The following EMP2 variants were observed in gnomAD, a reference collection of about 807,000 sequenced individuals.
EMP2 encodes the protein epithelial membrane protein 2.
EMP2 carries 19 observed loss-of-function variants against 13.7 expected under a neutral mutation model. That is an observed-to-expected ratio of 1.38 (90% CI 0.97 to 2.03). EMP2 has a LOEUF of 2.03. EMP2 is among the 30% of genes most tolerant of loss of function. The pLI is 0.00. For synonymous variants in EMP2, 97 were observed against 84.7 expected (o/e 1.15, Z -0.80); for missense variants, 253 against 220.7 (o/e 1.15, Z -0.93).
chr16:10,563,350 T>TCC (rs1053893652), intron 1 of EMP2, among the ~76,000 whole-genome samples: 6 of 152,048 alleles, frequency 3.9e-5, no homozygotes, highest in African/African-American at 1.4e-4. Context: ...CACCACCACA[T>TCC]CCAGCTAATT....
In EMP2 at chr16:10,579,294, T is replaced by C. The variant is rs78305008; in HGVS notation, c.-61+1255A>G. Among the ~76,000 whole-genome samples, 283 of 152,282 alleles carry C rather than the reference T, an allele frequency of 1.9e-3. 1 individual carries two copies. The highest frequency in any genetic ancestry group is 0.012 in the Admixed American group (180 of 15,300). ...TCCAGGAAGAGGTGCCCAGCAATAATGTGTCGGTTCTTAGATTTCTCTCTG... is the reference window on the plus strand; with the variant it reads ...TCCAGGAAGAGGTGCCCAGCAATAACGTGTCGGTTCTTAGATTTCTCTCTG... On this transcript the variant is annotated intron_variant, in intron 1 of 4. Transcript: ENST00000359543.
intron 1 of EMP2, among the ~76,000 whole-genome samples, chr16:10,575,234 A>ATTC (rs2050974919): frequency 1.9e-5 from 1 of 53,374 alleles, no homozygotes; most frequent in African/African-American, 6.7e-5. Flanking sequence ...TGGAGCTTGC[A>ATTC]TTCTTTTTTT....
chr16:10,574,040 C>T (rs1426648007), intron 1 of EMP2, among the ~76,000 whole-genome samples: 4 of 145,142 alleles, frequency 2.8e-5, no homozygotes, highest in Admixed American at 1.4e-4. Flanking sequence ...TGGGTTCAAG[C>T]GATTCTTGTG....
chr16:10,540,561 G>A (rs2050688017), intron 3 of EMP2, among the ~76,000 whole-genome samples: 1 of 145,754 alleles, frequency 6.9e-6, no homozygotes, highest in Admixed American at 6.8e-5. Context: ...AGGACCTCAA[G>A]GAGGAGTTCT....
At chr16:10,537,894 G>GC (rs780819679) in intron 4 of EMP2, 34 bp downstream of exon 4, 1 of 1,606,538 alleles carries the variant, frequency 6.2e-7, no homozygotes, top group African/African-American at 1.3e-5. Flanking sequence ...ATTCCAGAAA[G>GC]CCCCTTGTTA....
rs536085381 is a variant in EMP2 at position 10,579,661 on chromosome 16, C to T, written c.-61+888G>A. 2.6e-5 allele frequency among the ~76,000 whole-genome samples: 4 copies of T among 152,070 alleles called. No individual in the cohort carries two copies. In the East Asian group the frequency reaches 7.7e-4, roughly 29 times the overall value. ...TTTGAACTGGAGGCTTCTTAAGTCC[C>T]TCTCCAAGCCCCTTACTTAGACACA... is the stretch of plus-strand genomic sequence containing the variant. On this transcript the variant is annotated intron_variant, in intron 1 of 4. Coordinates refer to ENST00000359543, the MANE Select transcript of EMP2 (RefSeq NM_001424.6).
At chr16:10,550,579 T>G (rs1390892517) in intron 1 of EMP2, among the ~76,000 whole-genome samples, 2 of 152,178 alleles carry the variant, frequency 1.3e-5, no homozygotes, top group Non-Finnish European at 2.9e-5. Flanking sequence ...CACCAGGAGG[T>G]GCAGTATGCC....
At position 10,530,935 on chromosome 16, in the gene EMP2, C is replaced by T. The variant is rs545262554; in HGVS notation, c.*1970G>A. 1 of 152,296 alleles carries T rather than the reference C, an allele frequency of 6.6e-6. No individual in the cohort carries two copies. Among genetic ancestry groups the T allele is most frequent in the East Asian group, 1.9e-4 (1 of 5,180 alleles). 9.4% of individuals were successfully genotyped at this position (152,296 alleles called of 1,614,324 possible). A position where few individuals can be genotyped will look rare whatever the true frequency, so the allele number is the denominator to read the frequency against. On this transcript the variant is annotated 3_prime_UTR_variant, in exon 5 of 5. Transcript: ENST00000359543. ...CCAGGAGCATTTAATAATAGGCACG[C>T]GTAAAGCAGCCTCCCTACCATGCCA...
intron 1 of EMP2, among the ~76,000 whole-genome samples, chr16:10,561,151 A>G (rs867423288): frequency 6.6e-6 from 1 of 152,108 alleles, no homozygotes; most frequent in South Asian, 2.1e-4. Flanking sequence ...AGCAGAAGCA[A>G]CAGGACTTGA....
In EMP2 at chr16:10,543,593, G is replaced by C. The variant is rs2050717488; in HGVS notation, c.146C>G (p.Thr49Arg). The change falls in exon 3 of 5, where the codon ACA becomes AGA. Residue 49 changes from threonine (T) to arginine (R), a missense_variant. Transcript: ENST00000359543. ...WRICTNNTNCTVINDSFQEYS... is the reference protein window; with the variant it reads ...WRICTNNTNCRVINDSFQEYS... ...ACCTTGAAAGCTGTCATTGATGACT[G>C]TGCAATTCGTGTTGTTGGTACATAT... 6.2e-7 allele frequency: 1 copy of C among 1,614,248 alleles called. No homozygotes were observed. The highest frequency in any genetic ancestry group is 1.1e-5 in the South Asian group (1 of 91,086).
Position 10,551,324 on chromosome 16 carries a change from G to C in EMP2, c.-60-3647C>G, listed in dbSNP as rs368651038. Among the ~76,000 whole-genome samples the C allele has an allele frequency of 6.6e-5, 10 of 152,324 alleles. No homozygotes were observed. The East Asian group carries it at 1.9e-3, about 29-fold the overall frequency. On this transcript the variant is annotated intron_variant, in intron 1 of 4. Transcript: ENST00000359543. Reference sequence around the variant, plus strand: ...TCCATGATGTGGCATGTGTGGGAAGGTATTTTGAGATAATGTAAAGATCCT... The same window carrying C: ...TCCATGATGTGGCATGTGTGGGAAGCTATTTTGAGATAATGTAAAGATCCT...
chr16:10,570,565 T>C (rs919966371), intron 1 of EMP2, among the ~76,000 whole-genome samples: 1 of 152,062 alleles, frequency 6.6e-6, no homozygotes, highest in Non-Finnish European at 1.5e-5. Context: ...ACCTGGCTAA[T>C]TTTTGTATTT....
chr16:10,535,023 C>A (rs1197957697), intron 4 of EMP2, among the ~76,000 whole-genome samples: 1 of 152,208 alleles, frequency 6.6e-6, no homozygotes, highest in Non-Finnish European at 1.5e-5. Flanking sequence ...TCTGACAGCA[C>A]CTCCCTGGAG....
intron 3 of EMP2, among the ~76,000 whole-genome samples, chr16:10,542,977 C>T (rs1976497): frequency 0.1 from 15,900 of 152,192 alleles, 1,493 homozygotes; most frequent in African/African-American, 0.25. Flanking sequence ...TCCTCAGTGG[C>T]TGGGATTACA....
intron 3 of EMP2, among the ~76,000 whole-genome samples, chr16:10,542,264 G>A (rs578087127): frequency 9.2e-5 from 14 of 152,228 alleles, no homozygotes; most frequent in African/African-American, 3.4e-4. Flanking sequence ...TGGGCATGGT[G>A]GTGAGTGCCT....
intron 1 of EMP2, among the ~76,000 whole-genome samples, chr16:10,578,369 C>T (rs912100243): frequency 1.3e-5 from 2 of 152,224 alleles, no homozygotes; most frequent in African/African-American, 2.4e-5. Context: ...GTGAAACATT[C>T]ACTTCCGTTC....
In EMP2 at chr16:10,529,548, A is replaced by G; in HGVS notation, c.*3357T>C. The G allele has an allele frequency of 6.6e-6, 1 of 152,158 alleles. No homozygotes were observed. The highest frequency in any genetic ancestry group is 1.9e-4 in the East Asian group (1 of 5,200). The allele number at this position is 152,158 out of a possible 1,614,324, so 9.4% of individuals were successfully genotyped here. On this transcript the variant is annotated 3_prime_UTR_variant, in exon 5 of 5. Transcript: ENST00000359543. ...CAACACAGATACTCATGTAGCCCCG[A>G]CGTTTCTTGTGAAGGGAATTGATGT... is the stretch of plus-strand genomic sequence containing the variant.
At position 10,535,075 on chromosome 16, in the gene EMP2, G is replaced by C. The variant is rs530964690; in HGVS notation, c.317-1983C>G. Among the ~76,000 whole-genome samples the C allele has an allele frequency of 3.3e-5, 5 of 152,292 alleles. No individual in the cohort carries two copies. The South Asian group carries it at 1.0e-3, about 32-fold the overall frequency. On this transcript the variant is annotated intron_variant, in intron 4 of 4. Transcript: ENST00000359543. ...GCTGGTGCCTGGATCTTCTTTCCAA[G>C]ACCTGGTTTTTCAGCTTTTCCTTTG...
chr16:10,535,618 G>C (rs2050640933), intron 4 of EMP2, among the ~76,000 whole-genome samples: 1 of 152,098 alleles, frequency 6.6e-6, no homozygotes, highest in South Asian at 2.1e-4. Flanking sequence ...GCTGAGGTGG[G>C]AGCATTGCTT....
Sources: gnomAD v4.1 joint callset for allele counts (sites outside exome capture counted in the v4.1 genomes callset) on GRCh38, gnomAD v4.1.1 for gene constraint, MANE v1.5 for transcripts, NCBI Gene and HGNC (gene_info 2026-07-23, HGNC 2026-07-21) for gene names.